SI: variants seen among roughly 807,000 people sequenced by gnomAD.
SI encodes sucrase-isomaltase, intestinal.
Under a neutral mutation model 253.3 loss-of-function variants are expected in SI, and 235 were observed. The ratio of observed to expected loss-of-function variants is 0.93; its 90% CI spans 0.83 to 1.03. The LOEUF (loss-of-function observed/expected upper bound fraction) is 1.03. Among genes scored for constraint, SI ranks in the 50% least tolerant of loss-of-function variants. SI has a pLI of 0.00. For synonymous variants in SI, 819 were observed against 712.0 expected, an observed-to-expected ratio of 1.15 and a Z score of -2.39; for missense variants, 2,442 against 2,211.1, an observed-to-expected ratio of 1.10 and a Z score of -2.09.
Position 164,987,538 on chromosome 3 carries a change from G to A in SI, c.5109-312C>T, listed in dbSNP as rs573542702. ...ATCCTACCCAACATGGGGAAACTCC[G>A]TCTCTACTAAAGTACAAAAAATTAG... On this transcript the variant is annotated intron_variant, in intron 44 of 47. Transcript: ENST00000264382. Among the ~76,000 whole-genome samples, 14 of 152,198 alleles carry A rather than the reference G, an allele frequency of 9.2e-5. No homozygotes were observed. The South Asian group carries it at 1.0e-3, about 11-fold the overall frequency.
chr3:165,038,056 T>C, intron 20 of SI, 32 bp from the exon 21 acceptor site: 10 of 1,560,744 alleles, frequency 6.4e-6, no homozygotes, highest in Non-Finnish European at 8.8e-6. Flanking sequence ...ACATTCTTAA[T>C]ATTATTGAAG....
chr3:165,013,704 G>T (rs1462111557), intron 33 of SI, among the ~76,000 whole-genome samples: 1 of 151,952 alleles, frequency 6.6e-6, no homozygotes, highest in Non-Finnish European at 1.5e-5. Context: ...CCACCAAAAA[G>T]GAATTATTTA....
upstream of SI, among the ~76,000 whole-genome samples, chr3:165,080,875 C>T (rs1190923077): frequency 1.3e-5 from 2 of 151,768 alleles, no homozygotes; most frequent in African/African-American, 4.8e-5. Context: ...ACATTGTGCA[C>T]ATGTACTAGA....
chr3:165,078,166 A>G (rs1715124975), intron 1 of SI, among the ~76,000 whole-genome samples: 2 of 151,482 alleles, frequency 1.3e-5, no homozygotes, highest in African/African-American at 4.8e-5. Context: ...GAGTCATTAA[A>G]CAAAACTTGC....
intron 21 of SI, among the ~76,000 whole-genome samples, chr3:165,037,630 T>C (rs1215286001): frequency 1.3e-5 from 2 of 151,906 alleles, no homozygotes; most frequent in African/African-American, 2.4e-5. Context: ...AAGAATCAAA[T>C]ATTATCTTTA....
At chr3:165,057,891 C>T (rs1713774933) in intron 12 of SI, among the ~76,000 whole-genome samples, 1 of 151,910 alleles carries the variant, frequency 6.6e-6, no homozygotes, top group Non-Finnish European at 1.5e-5. Context: ...AGACAGAAAA[C>T]CAACAAAGAA....
chr3:165,060,278 G>A (rs894996597), intron 9 of SI, among the ~76,000 whole-genome samples: 4 of 151,868 alleles, frequency 2.6e-5, no homozygotes, highest in East Asian at 1.9e-4. Flanking sequence ...AGAAAGTGTA[G>A]CATATCAGAA....
chr3:164,998,532 TC>T lies in SI; in HGVS notation c.4540+7del. The T allele has an allele frequency of 6.2e-7, 1 of 1,611,556 alleles. No individual in the cohort carries two copies. The highest frequency in any genetic ancestry group is 2.2e-5 in the East Asian group (1 of 44,788). On this transcript the variant is annotated splice_region_variant and intron_variant, in intron 38 of 47. Transcript: ENST00000264382. ...AAAATAATAATAAAGATGGTGACTT[TC>T]ACTTACCAATGATTGATTTGTCCAT...
intron 20 of SI, among the ~76,000 whole-genome samples, chr3:165,038,785 C>T (rs1712669152): frequency 6.6e-6 from 1 of 151,914 alleles, no homozygotes; most frequent in Non-Finnish European, 1.5e-5. Context: ...TAAGTTGCCA[C>T]TCCTTCCTAA....
intron 25 of SI, among the ~76,000 whole-genome samples, chr3:165,029,626 T>TATATATGTATATATATGTAACAG: frequency 1.1e-5 from 1 of 88,442 alleles, no homozygotes; most frequent in Admixed American, 1.6e-4. Flanking sequence ...ATATGTAACA[T>TATATATGTATATATATGTAACAG]TAGCCTTATA....
intron 34 of SI, among the ~76,000 whole-genome samples, chr3:165,012,516 CCT>C (rs1718819122): frequency 6.6e-6 from 1 of 152,134 alleles, no homozygotes; most frequent in Non-Finnish European, 1.5e-5. Context: ...GCAAGCTCCA[CCT>C]CCTGGGTTAA....
intron 23 of SI, 132 bp downstream of exon 23, chr3:165,033,263 A>T (rs2108206754): frequency 1.5e-6 from 1 of 647,636 alleles, no homozygotes; most frequent in Non-Finnish European, 2.3e-6. Context: ...TTAATTGAAC[A>T]ATTTATTTCA....
At chr3:165,011,254 C>A (rs1429983062) in intron 34 of SI, among the ~76,000 whole-genome samples, 1 of 151,956 alleles carries the variant, frequency 6.6e-6, no homozygotes, top group Non-Finnish European at 1.5e-5. Context: ...TTATACACTT[C>A]TCTCTTAGTA....
chr3:165,004,057 G>T (rs1718385633), intron 37 of SI, among the ~76,000 whole-genome samples: 1 of 151,932 alleles, frequency 6.6e-6, no homozygotes, highest in South Asian at 2.1e-4. Flanking sequence ...ATTTGACAAG[G>T]GATTAATGAC....
chr3:165,065,146 G>T, intron 7 of SI, 115 bp downstream of exon 7: 1 of 689,514 alleles, frequency 1.5e-6, no homozygotes, highest in Non-Finnish European at 2.5e-6. Context: ...TGGTATCAGT[G>T]ACATTCAAAT....
chr3:165,054,992 G>T (rs1713624893), intron 13 of SI, among the ~76,000 whole-genome samples: 1 of 152,052 alleles, frequency 6.6e-6, no homozygotes, highest in Admixed American at 6.6e-5. Flanking sequence ...GAAAAACCTT[G>T]ATTGGCATTT....
rs112337103 is a variant in SI, at chr3:164,988,250, A to C, written c.5109-1024T>G. Among the ~76,000 whole-genome samples, 488 of 152,328 alleles carry C rather than the reference A, an allele frequency of 3.2e-3. 1 individual carries two copies. Among genetic ancestry groups the C allele is most frequent in the African/African-American group, 0.011 (463 of 41,596 alleles). ...CTCCTAAAATTTCCAGAATCTCTAG[A>C]GTTCAAATCTCCACAGTAATTAGAT... On this transcript the variant is annotated intron_variant, in intron 44 of 47. Transcript: ENST00000264382.
intron 31 of SI, among the ~76,000 whole-genome samples, chr3:165,016,454 A>T (rs1245446995): frequency 6.6e-6 from 1 of 152,034 alleles, no homozygotes; most frequent in African/African-American, 2.4e-5. Flanking sequence ...TGTACAGTAT[A>T]TACAGAAAGA....
intron 25 of SI, among the ~76,000 whole-genome samples, chr3:165,026,838 T>G (rs1216873950): frequency 6.6e-6 from 1 of 151,114 alleles, no homozygotes; most frequent in East Asian, 1.9e-4. Context: ...AAGAAGAAAG[T>G]TCATAGCCCT....
Sources: allele counts gnomAD v4.1 joint callset (sites outside exome capture counted in the v4.1 genomes callset), GRCh38; gene constraint gnomAD v4.1.1; transcripts MANE v1.5; gene names NCBI Gene and HGNC (gene_info 2026-07-23, HGNC 2026-07-21).